DCC: variants seen among roughly 807,000 people sequenced by gnomAD.
The protein encoded by DCC is DCC netrin 1 receptor.
In DCC, 58 loss-of-function variants were observed where a neutral mutation model predicts 172.5. That is an observed-to-expected ratio of 0.34 (90% CI 0.27 to 0.42). DCC has a LOEUF of 0.42. DCC is among the 10% of genes least tolerant of loss of function. DCC has a pLI of 1.00. For missense variants in DCC, 1,740 were observed against 1,791.0 expected, an observed-to-expected ratio of 0.97 and a Z score of 0.51; for synonymous variants, 709 against 644.5, an observed-to-expected ratio of 1.10 and a Z score of -1.52.
At chr18:53,435,292 C>A in intron 22 of DCC, 83 bp downstream of exon 22, 1 of 871,898 alleles carries the variant, frequency 1.1e-6, no homozygotes, top group Non-Finnish European at 1.9e-6. Context: ...AATTTTCTAT[C>A]AACTACAAGT....
chr18:52,643,540 A>G lies in DCC; in HGVS notation c.92-108514A>G, dbSNP rs958576066. ...AACTATATTTTCTAAAATCCTACTCATCAGCTAATTATGGTCCCAAGCTCC... is the reference window on the plus strand; with the variant it reads ...AACTATATTTTCTAAAATCCTACTCGTCAGCTAATTATGGTCCCAAGCTCC... On this transcript the variant is annotated intron_variant, in intron 1 of 28. Coordinates refer to ENST00000442544, the MANE Select transcript of DCC (RefSeq NM_005215.4). Among the ~76,000 whole-genome samples the G allele has an allele frequency of 3.3e-5, 5 of 152,322 alleles. No individual in the cohort carries two copies. In the East Asian group the frequency reaches 9.7e-4, roughly 29 times the overall value.
At chr18:53,239,090 TGTAA>T (rs2144632924) in intron 12 of DCC, among the ~76,000 whole-genome samples, 1 of 151,634 alleles carries the variant, frequency 6.6e-6, no homozygotes, top group South Asian at 2.1e-4. Flanking sequence ...ATATACCTAA[TGTAA>T]GTGACGAATT....
intron 7 of DCC, among the ~76,000 whole-genome samples, chr18:53,119,588 A>G (rs2043454697): frequency 6.6e-6 from 1 of 151,906 alleles, no homozygotes; most frequent in South Asian, 2.1e-4. Context: ...AAATAGTTCT[A>G]GTTGTAAGTT....
At chr18:52,658,416 A>G (rs2035295664) in intron 1 of DCC, among the ~76,000 whole-genome samples, 1 of 152,138 alleles carries the variant, frequency 6.6e-6, no homozygotes, top group East Asian at 1.9e-4. Context: ...TTTACATAAA[A>G]CTTTTAATCT....
intron 12 of DCC, among the ~76,000 whole-genome samples, chr18:53,300,994 T>TTTC (rs2057132747): frequency 3.0e-5 from 4 of 134,714 alleles, no homozygotes; most frequent in African/African-American, 1.1e-4. Flanking sequence ...TCTTTCTTTT[T>TTTC]TTTTCTTTTC....
intron 2 of DCC, among the ~76,000 whole-genome samples, chr18:52,861,149 G>T (rs2145361429): frequency 6.6e-6 from 1 of 152,190 alleles, no homozygotes; most frequent in Non-Finnish European, 1.5e-5. Flanking sequence ...ACACTTACAT[G>T]AATTGAGTGA....
intron 5 of DCC, among the ~76,000 whole-genome samples, chr18:52,986,799 A>C (rs752968688): frequency 1.1e-4 from 16 of 151,562 alleles, no homozygotes; most frequent in Non-Finnish European, 2.4e-4. Context: ...ATATACACAC[A>C]CGTGTAGTAT....
intron 1 of DCC, among the ~76,000 whole-genome samples, chr18:52,658,241 C>A (rs190141126): frequency 2.0e-5 from 3 of 152,258 alleles, no homozygotes; most frequent in Admixed American, 2.0e-4. Context: ...GTTCAGCCAA[C>A]TGCAAGACCT....
chr18:53,463,411 G>A (rs73957240), intron 24 of DCC, among the ~76,000 whole-genome samples: 5,042 of 152,026 alleles, frequency 0.033, 302 homozygotes, highest in African/African-American at 0.12. Context: ...TCAAAGTCCT[G>A]CAAGCTATAC....
At chr18:53,299,070 A>C (rs1301772711) in intron 12 of DCC, among the ~76,000 whole-genome samples, 1 of 152,160 alleles carries the variant, frequency 6.6e-6, no homozygotes, top group African/African-American at 2.4e-5. Context: ...TATTCTTTTA[A>C]TTCTGGTTTT....
chr18:53,346,211 T>C (rs1025113103), intron 15 of DCC, among the ~76,000 whole-genome samples: 16 of 152,120 alleles, frequency 1.1e-4, no homozygotes, highest in Non-Finnish European at 1.5e-5. Context: ...TGCTGGGTGC[T>C]TTTAAGACTT....
chr18:52,797,070 T>C (rs981533924), intron 2 of DCC, among the ~76,000 whole-genome samples: 2 of 152,108 alleles, frequency 1.3e-5, no homozygotes, highest in Non-Finnish European at 2.9e-5. Context: ...TATTGACACT[T>C]GTATTTTTTT....
At chr18:52,862,869 T>A (rs2039165630) in intron 2 of DCC, among the ~76,000 whole-genome samples, 1 of 152,168 alleles carries the variant, frequency 6.6e-6, no homozygotes, top group African/African-American at 2.4e-5. Context: ...TTCTTTAGTT[T>A]ACTTAAAAGA....
chr18:53,032,005 G>A (rs576947873), intron 5 of DCC, among the ~76,000 whole-genome samples: 2 of 152,276 alleles, frequency 1.3e-5, no homozygotes, highest in South Asian at 4.1e-4. Flanking sequence ...AAATATGCAA[G>A]CTGACTAGCA....
intron 1 of DCC, among the ~76,000 whole-genome samples, chr18:52,647,579 A>C (rs1598985230): frequency 6.6e-6 from 1 of 152,166 alleles, no homozygotes; most frequent in Admixed American, 6.5e-5. Flanking sequence ...CATCATCAAC[A>C]CTTGCAACAG....
intron 1 of DCC, among the ~76,000 whole-genome samples, chr18:52,718,067 G>A (rs533199909): frequency 6.6e-6 from 1 of 152,282 alleles, no homozygotes; most frequent in Admixed American, 6.5e-5. Context: ...GGCATGAGTG[G>A]GACTTCTGGA....
intron 1 of DCC, among the ~76,000 whole-genome samples, chr18:52,695,377 A>C (rs1008744336): frequency 6.6e-6 from 1 of 152,346 alleles, no homozygotes; most frequent in Middle Eastern, 3.4e-3. Flanking sequence ...TCAATTATTA[A>C]TGACAGTAGT....
At chr18:52,363,079 T>C (rs1984693470) in intron 1 of DCC, among the ~76,000 whole-genome samples, 1 of 152,138 alleles carries the variant, frequency 6.6e-6, no homozygotes, top group African/African-American at 2.4e-5. Flanking sequence ...GGTTTTGCCA[T>C]GTTGGCCAGG....
chr18:52,475,285 C>T (rs542073229), intron 1 of DCC, among the ~76,000 whole-genome samples: 10 of 152,134 alleles, frequency 6.6e-5, no homozygotes, highest in Non-Finnish European at 1.5e-5. Context: ...TAGGCACTGT[C>T]AGGGTGAAGC....
Sources: allele counts gnomAD v4.1 joint callset (sites outside exome capture counted in the v4.1 genomes callset), GRCh38; gene constraint gnomAD v4.1.1; transcripts MANE v1.5; gene names NCBI Gene and HGNC (gene_info 2026-07-23, HGNC 2026-07-21).